The following DEUP1 variants were observed in gnomAD, a reference collection of about 807,000 sequenced individuals.
The protein encoded by DEUP1 is deuterosome assembly protein 1.
A neutral mutation model predicts 87.4 loss-of-function variants in DEUP1; 82 were observed. The observed-to-expected ratio is 0.94, with a 90% CI of 0.78 to 1.13. The LOEUF (loss-of-function observed/expected upper bound fraction) is 1.13. Ranked by LOEUF, DEUP1 falls within the 50% of genes most tolerant of loss-of-function variation. The pLI is 0.00. For missense variants in DEUP1, 663 were observed against 681.5 expected (o/e 0.97, Z 0.30); for synonymous variants, 214 against 222.7 (o/e 0.96, Z 0.35).
intron 2 of DEUP1, among the ~76,000 whole-genome samples, chr11:93,340,730 G>T (rs1944027004): frequency 6.6e-6 from 1 of 152,194 alleles, no homozygotes; most frequent in African/African-American, 2.4e-5. Flanking sequence ...TCCTGGATTG[G>T]ATATGGAGTG....
intron 1 of DEUP1, among the ~76,000 whole-genome samples, chr11:93,331,515 C>T (rs1943482117): frequency 6.6e-6 from 1 of 151,996 alleles, no homozygotes; most frequent in Non-Finnish European, 1.5e-5. Flanking sequence ...TTATAGTCAT[C>T]CTAACAAAAC....
chr11:93,373,529 A>G (rs11020288), intron 7 of DEUP1, among the ~76,000 whole-genome samples: 36,530 of 149,072 alleles, frequency 0.25, 4,793 homozygotes, highest in South Asian at 0.38. Context: ...AGGTTGCTGC[A>G]AATGCCATTA....
chr11:93,334,579 G>A (rs1344510680), intron 2 of DEUP1, among the ~76,000 whole-genome samples: 5 of 146,448 alleles, frequency 3.4e-5, no homozygotes, highest in African/African-American at 1.0e-4. Context: ...GGCAGCATTC[G>A]AGCAGAGATT....
chr11:93,370,119 A>T lies in DEUP1; in HGVS notation c.479A>T (p.Tyr160Phe). The T allele has an allele frequency of 6.2e-7, 1 of 1,609,046 alleles. No individual in the cohort carries two copies. Among genetic ancestry groups the T allele is most frequent in the Non-Finnish European group, 8.5e-7 (1 of 1,176,852 alleles). The change falls in exon 6 of 14, where the codon TAT (tyrosine) becomes TTT (phenylalanine). Residue 160 changes from tyrosine to phenylalanine, a missense_variant. By Grantham distance (22) the Tyr-to-Phe change is conservative. Coordinates refer to ENST00000298050, the MANE Select transcript of DEUP1 (RefSeq NM_181645.4). ...SREWDKQEILYQTHLISLDAQ... is the reference protein window; with the variant it reads ...SREWDKQEILFQTHLISLDAQ... ...GAATGGGACAAGCAAGAGATATTAT[A>T]TCAGACTCATCTGATTTCTTTAGAT...
chr11:93,390,216 A>G (rs1262246263), intron 9 of DEUP1, among the ~76,000 whole-genome samples: 3 of 152,246 alleles, frequency 2.0e-5, no homozygotes, highest in Non-Finnish European at 4.4e-5. Context: ...TAAATTAAAT[A>G]CTTAGAGAAT....
chr11:93,354,298 C>G (rs1944776890), intron 2 of DEUP1, among the ~76,000 whole-genome samples: 1 of 152,200 alleles, frequency 6.6e-6, no homozygotes, highest in Non-Finnish European at 1.5e-5. Flanking sequence ...GGGACCACCT[C>G]AGCCTGGACC....
At chr11:93,383,107 C>T (rs1946375068) in intron 7 of DEUP1, among the ~76,000 whole-genome samples, 1 of 152,150 alleles carries the variant, frequency 6.6e-6, no homozygotes, top group Non-Finnish European at 1.5e-5. Context: ...GCTTTGTGAA[C>T]TTCTGTATAA....
chr11:93,352,598 C>A (rs1944679971), intron 2 of DEUP1: 3 of 587,440 alleles, frequency 5.1e-6, no homozygotes, highest in Non-Finnish European at 6.0e-6. Context: ...TGTTTTCATG[C>A]TGCTGATAAA....
intron 11 of DEUP1, among the ~76,000 whole-genome samples, chr11:93,403,918 A>G (rs993681501): frequency 1.3e-5 from 2 of 152,074 alleles, no homozygotes; most frequent in African/African-American, 4.8e-5. Flanking sequence ...TATTTACATC[A>G]TTATTTTTGT....
At chr11:93,332,752 G>A (rs1424666524) in intron 2 of DEUP1, among the ~76,000 whole-genome samples, 6 of 152,104 alleles carry the variant, frequency 3.9e-5, no homozygotes, top group Admixed American at 6.5e-5. Flanking sequence ...AAAGTTTCAC[G>A]AAGAGATAAG....
chr11:93,392,795 C>T (rs1946804718), intron 9 of DEUP1, among the ~76,000 whole-genome samples: 1 of 151,988 alleles, frequency 6.6e-6, no homozygotes, highest in Non-Finnish European at 1.5e-5. Context: ...TGTGGCTAGC[C>T]TCTACTTAAC....
At chr11:93,365,482 A>G (rs1004675957) in intron 5 of DEUP1, among the ~76,000 whole-genome samples, 1 of 152,140 alleles carries the variant, frequency 6.6e-6, no homozygotes, top group African/African-American at 2.4e-5. Flanking sequence ...TGTAATATAC[A>G]TGTGCTTTCA....
At chr11:93,338,816 A>C (rs1943909557) in intron 2 of DEUP1, among the ~76,000 whole-genome samples, 1 of 152,238 alleles carries the variant, frequency 6.6e-6, no homozygotes, top group African/African-American at 2.4e-5. Context: ...TCAAAAGACT[A>C]GAGAAGAGTT....
At chr11:93,368,793 G>A (rs773355294) in intron 5 of DEUP1, among the ~76,000 whole-genome samples, 16 of 151,940 alleles carry the variant, frequency 1.1e-4, no homozygotes, top group South Asian at 2.1e-4. Context: ...AAAATTATCC[G>A]GGTGTAGTGG....
intron 2 of DEUP1, among the ~76,000 whole-genome samples, chr11:93,349,858 C>G (rs972573658): frequency 6.6e-6 from 1 of 151,932 alleles, no homozygotes; most frequent in African/African-American, 2.4e-5. Context: ...AGGGAGTCAC[C>G]CACTATCACT....
At chr11:93,389,163 G>A in intron 9 of DEUP1, 38 bp downstream of exon 9, 1 of 1,124,762 alleles carries the variant, frequency 8.9e-7, no homozygotes, top group Non-Finnish European at 1.3e-6. Context: ...CCAGGTAGAT[G>A]TGAACTCTTT....
Position 93,371,047 on chromosome 11 carries a change from C to G in DEUP1, c.556C>G (p.Gln186Glu). The G allele has an allele frequency of 1.2e-6, 2 of 1,609,690 alleles. No homozygotes were observed. Among genetic ancestry groups the G allele is most frequent in the Non-Finnish European group, 1.7e-6 (2 of 1,177,788 alleles). The change falls in exon 7 of 14, where the codon CAA becomes GAA. Residue 186 changes from glutamine (Q) to glutamate (E), a missense_variant. Coordinates refer to ENST00000298050, the MANE Select transcript of DEUP1 (RefSeq NM_181645.4). ...TTTTTATATTTTTCAGAAACAGGCA[C>G]AAAGTTACCAAACTCAACTAAATGG... is the stretch of plus-strand genomic sequence containing the variant. ...EKCNQFQKQAQSYQTQLNGKK... is the reference protein window; with the variant it reads ...EKCNQFQKQAESYQTQLNGKK...
At position 93,437,873 on chromosome 11, in the gene DEUP1, A is replaced by G. The variant is rs1049503815; in HGVS notation, c.*154A>G. On this transcript the variant is annotated 3_prime_UTR_variant, in exon 14 of 14. Transcript: ENST00000298050. ...GTAAGGCAGCTAGAAAATAGTAAGT[A>G]TTTTGTTCTATAAAGCTGTTCACAT... The G allele has an allele frequency of 3.7e-5, 21 of 563,110 alleles. No individual in the cohort carries two copies. Among genetic ancestry groups the G allele is most frequent in the Non-Finnish European group, 5.8e-5 (18 of 312,618 alleles). 34.9% of individuals were successfully genotyped at this position (563,110 alleles called of 1,614,324 possible).
intron 4 of DEUP1, among the ~76,000 whole-genome samples, chr11:93,361,304 A>G (rs1000432204): frequency 6.6e-6 from 1 of 152,198 alleles, no homozygotes; most frequent in African/African-American, 2.4e-5. Flanking sequence ...CAGAAAAGAA[A>G]TGATAAAGAA....
Sources: gnomAD v4.1 joint callset for allele counts (sites outside exome capture counted in the v4.1 genomes callset) on GRCh38, gnomAD v4.1.1 for gene constraint, MANE v1.5 for transcripts, NCBI Gene and HGNC (gene_info 2026-07-23, HGNC 2026-07-21) for gene names.